Variants in FAT1 observed in about 807,000 individuals in gnomAD.
The protein encoded by FAT1 is protocadherin Fat 1.
Under a neutral mutation model 329.8 loss-of-function variants are expected in FAT1, and 171 were observed. The observed-to-expected ratio is 0.52, with a 90% CI of 0.46 to 0.59. The LOEUF (loss-of-function observed/expected upper bound fraction) is 0.59, where lower values mean the gene tolerates loss of function less well. FAT1 is among the 20% of genes least tolerant of loss of function. The pLI, the probability that FAT1 is intolerant of heterozygous loss-of-function variation, is 0.00. For missense variants in FAT1, 5,672 were observed against 5,774.4 expected, an observed-to-expected ratio of 0.98 and a Z score of 0.57; for synonymous variants, 2,233 against 2,228.6, an observed-to-expected ratio of 1.00 and a Z score of -0.06.
chr4:186,689,929 G>C (rs1444409465), intron 2 of FAT1, among the ~76,000 whole-genome samples: 1 of 152,138 alleles, frequency 6.6e-6, no homozygotes, highest in African/African-American at 2.4e-5. Flanking sequence ...CCCATTAGAA[G>C]ATCTCATACC....
intron 26 of FAT1, among the ~76,000 whole-genome samples, chr4:186,589,671 C>T (rs1313173007): frequency 6.6e-6 from 1 of 152,124 alleles, no homozygotes; most frequent in East Asian, 1.9e-4. Context: ...TAAAAAAATA[C>T]TGATTAATGC....
chr4:186,639,935 A>G (rs1299696003), intron 3 of FAT1, among the ~76,000 whole-genome samples, 152 bp from the exon 4 acceptor site: 1 of 152,138 alleles, frequency 6.6e-6, no homozygotes, highest in Non-Finnish European at 1.5e-5. Flanking sequence ...TAAGGTCAGG[A>G]GTTGGAGGCC....
chr4:186,599,272 T>C (rs1225855811), intron 22 of FAT1, among the ~76,000 whole-genome samples: 2 of 152,196 alleles, frequency 1.3e-5, no homozygotes, highest in Non-Finnish European at 2.9e-5. Context: ...TCCCACTTAA[T>C]GACAGTATTA....
At position 186,635,939 on chromosome 4, in the gene FAT1, G is replaced by T. The variant is rs527735152; in HGVS notation, c.4183+86C>A. Reference sequence around the variant, plus strand: ...GATCTTATTCCCAATTTTAAATCCTGACTTGTGCCCAAAACTCATCAAACC... The same window carrying T: ...GATCTTATTCCCAATTTTAAATCCTTACTTGTGCCCAAAACTCATCAAACC... On this transcript the variant is annotated intron_variant, in intron 6 of 26. Transcript: ENST00000441802. 29 of 1,183,378 alleles carry T rather than the reference G, an allele frequency of 2.5e-5. 1 individual carries two copies. In the South Asian group the frequency reaches 2.6e-4, roughly 10 times the overall value. The allele number at this position is 1,183,378 out of a possible 1,614,324, so 73.3% of individuals were successfully genotyped here. A position where few individuals can be genotyped will look rare whatever the true frequency, so the allele number is the denominator to read the frequency against.
In FAT1 at chr4:186,660,538, A is replaced by G. The variant is rs1246701908; in HGVS notation, c.3580+2761T>C. On this transcript the variant is annotated intron_variant, in intron 3 of 26. Coordinates refer to ENST00000441802, the MANE Select transcript of FAT1 (RefSeq NM_005245.4). Reference sequence around the variant, plus strand: ...TATCCTCCACTATTACCTGACTTCAACTCATAAGGAAAGAAAGCCTCTGTG... The same window carrying G: ...TATCCTCCACTATTACCTGACTTCAGCTCATAAGGAAAGAAAGCCTCTGTG... 2.0e-5 allele frequency among the ~76,000 whole-genome samples: 3 copies of G among 152,240 alleles called. No homozygotes were observed. In the East Asian group the frequency reaches 5.8e-4, roughly 29 times the overall value.
At chr4:186,608,936 C>G (rs1739265608) in intron 16 of FAT1, among the ~76,000 whole-genome samples, 1 of 152,224 alleles carries the variant, frequency 6.6e-6, no homozygotes, top group Non-Finnish European at 1.5e-5. Context: ...TGTCTCAGAA[C>G]ACTGGAACCA....
At chr4:186,629,163 A>C (rs1285111476) in intron 7 of FAT1, among the ~76,000 whole-genome samples, 3 of 152,208 alleles carry the variant, frequency 2.0e-5, no homozygotes, top group Non-Finnish European at 4.4e-5. Context: ...ATCTGCAACT[A>C]CCAACCCACT....
rs374973332 is a variant in FAT1 at position 186,709,567 on chromosome 4, C to G, written c.261G>C (p.Glu87Asp). The G allele has an allele frequency of 2.5e-6, 4 of 1,613,924 alleles. No individual in the cohort carries two copies. Among genetic ancestry groups the G allele is most frequent in the Non-Finnish European group, 2.5e-6 (3 of 1,179,918 alleles). ...GAAAGCAAAAGTCTCCGAGAATGTA[C>G]TCTTCAGCTTTGAACAGGTTTTCAC... ...GDSENLFKAEEYILGDFCFLR... is the reference protein window; with the variant it reads ...GDSENLFKAEDYILGDFCFLR... The change falls in exon 2 of 27, where the codon GAG becomes GAC. Residue 87 changes from glutamate to aspartate, a missense_variant. Around this residue, in one of 2 missense-constraint regions of FAT1, gnomAD observed 3,966 missense variants for 3,915.2 expected, o/e 1.01. Transcript: ENST00000441802.
At position 186,589,010 on chromosome 4, in the gene FAT1, G is replaced by A. The variant is rs752641879; in HGVS notation, c.13349C>T (p.Pro4450Leu). 8.1e-6 allele frequency: 13 copies of A among 1,613,976 alleles called. No homozygotes were observed. The highest frequency in any genetic ancestry group is 1.3e-5 in the African/African-American group (1 of 75,034). Residue 4450 changes from proline to leucine, a missense_variant, in exon 27 of 27, where the codon CCG becomes CTG. By Grantham distance (98) the Pro-to-Leu change is moderately conservative (BLOSUM62 -3). This residue lies in a region of FAT1 where 1,706 missense variants were observed against 1,859.1 expected (regional missense o/e 0.92). Coordinates refer to ENST00000441802, the MANE Select transcript of FAT1 (RefSeq NM_005245.4). ...CTGATTGCTGAATTCGGGCGGTAAC[G>A]GTGGTAGCTCATCAGCTGCGGGGAA... ...EDFPAADELPPLPPEFSNQFE... is the reference protein window; with the variant it reads ...EDFPAADELPLLPPEFSNQFE...
intron 1 of FAT1, among the ~76,000 whole-genome samples, chr4:186,719,340 G>C (rs961853860): frequency 5.9e-5 from 9 of 152,122 alleles, no homozygotes; most frequent in African/African-American, 2.2e-4. Flanking sequence ...ACCAACCTCA[G>C]GTTGAGAACG....
At chr4:186,719,365 A>T (rs1413336646) in intron 1 of FAT1, among the ~76,000 whole-genome samples, 1 of 152,202 alleles carries the variant, frequency 6.6e-6, no homozygotes, top group African/African-American at 2.4e-5. Flanking sequence ...TAAAATAAAC[A>T]ATAAAACAGT....
intron 26 of FAT1, 62 bp from the exon 27 acceptor site, chr4:186,589,282 A>T: frequency 6.6e-7 from 1 of 1,512,554 alleles, no homozygotes; most frequent in Non-Finnish European, 8.9e-7. Context: ...CCATGGAAAG[A>T]GAGCTCAGTG....
chr4:186,717,095 T>G (rs1457168888), intron 1 of FAT1, among the ~76,000 whole-genome samples: 1 of 152,050 alleles, frequency 6.6e-6, no homozygotes, highest in Non-Finnish European at 1.5e-5. Flanking sequence ...TACTGTATAT[T>G]AAAAAGAATG....
In FAT1 at chr4:186,600,174, T is replaced by C. The variant is rs1579296685; in HGVS notation, c.11827A>G (p.Thr3943Ala). 6.2e-7 allele frequency: 1 copy of C among 1,614,002 alleles called. No homozygotes were observed. Among genetic ancestry groups the C allele is most frequent in the Non-Finnish European group, 8.5e-7 (1 of 1,179,884 alleles). The change falls in exon 22 of 27, where the codon ACC becomes GCC. Residue 3943 changes from threonine to alanine, a missense_variant. Thr to Ala is a moderately conservative substitution (Grantham distance 58). Around this residue, in one of 2 missense-constraint regions of FAT1, gnomAD observed 1,706 missense variants for 1,859.1 expected, o/e 0.92. Coordinates refer to ENST00000441802, the MANE Select transcript of FAT1 (RefSeq NM_005245.4). ...AACACATAGTTATCCAGGTTCAGGG[T>C]TTTCAGAGTCCCTGGGGCTGTGCCC... The part of the protein sequence containing the change: ...ASGTAPGTLK[T>A]LNLDNYVFFG...
Position 186,609,336 on chromosome 4 carries a change from C to T in FAT1, c.10069-16G>A. On this transcript the variant is annotated splice_polypyrimidine_tract_variant and intron_variant, in intron 15 of 26. Transcript: ENST00000441802. ...CGGCCATAACCTAGAACACACCACA[C>T]TCCTGTTTAGGAGACAGCTAAGAAG... The T allele has an allele frequency of 1.9e-6, 3 of 1,611,638 alleles. No homozygotes were observed. Among genetic ancestry groups the T allele is most frequent in the Non-Finnish European group, 2.5e-6 (3 of 1,179,098 alleles).
chr4:186,610,083 T>C (rs1033832409), intron 14 of FAT1, 68 bp from the exon 15 acceptor site: 23 of 909,178 alleles, frequency 2.5e-5, no homozygotes, highest in African/African-American at 8.2e-5. Flanking sequence ...ATGACTGAAA[T>C]AGATGAATGC....
chr4:186,725,551 A>C (rs535437850), upstream of FAT1, among the ~76,000 whole-genome samples: 118 of 152,080 alleles, frequency 7.8e-4, 1 homozygote, highest in Middle Eastern at 3.4e-3. The surrounding 1 kb of genome is among the most constrained non-coding windows in gnomAD (Gnocchi z 5.4). Context: ...GCCTGGAAGA[A>C]GTTGCACTTC....
rs199884780 is a variant in FAT1 at position 186,708,851 on chromosome 4, T to C, written c.977A>G (p.Asp326Gly). ...KVKAIGGIDW[D>G]SHPFGYNLTL... ...GAGATTGTAGCCGAAAGGATGACTG[T>C]CCCAATCAATGCCACCGATGGCTTT... The change falls in exon 2 of 27, where the codon GAC becomes GGC. Residue 326 changes from aspartate to glycine, a missense_variant. Transcript: ENST00000441802. 1.2e-6 allele frequency: 2 copies of C among 1,613,840 alleles called. No homozygotes were observed.
chr4:186,721,933 G>C (rs1745485900), intron 1 of FAT1, among the ~76,000 whole-genome samples: 1 of 152,120 alleles, frequency 6.6e-6, no homozygotes, highest in Non-Finnish European at 1.5e-5. Flanking sequence ...CCGCCTCCCG[G>C]GTTGAAGCGA....
Sources: allele counts gnomAD v4.1 joint callset (sites outside exome capture counted in the v4.1 genomes callset), GRCh38; gene constraint gnomAD v4.1.1; regional missense constraint gnomAD v4.1.1; non-coding constraint Gnocchi (gnomAD v3.1); transcripts MANE v1.5; gene names NCBI Gene and HGNC (gene_info 2026-07-23, HGNC 2026-07-21).